PTGR2: variants seen among roughly 807,000 people sequenced by gnomAD.
The protein encoded by PTGR2 is 15-oxoprostaglandin 13-reductase.
A neutral mutation model predicts 43.4 loss-of-function variants in PTGR2; 32 were observed. The observed-to-expected ratio is 0.74, with a 90% confidence interval of 0.56 to 0.99. PTGR2 has a LOEUF of 0.99. PTGR2 is among the 50% of genes least tolerant of loss of function. The pLI, the probability that PTGR2 is intolerant of heterozygous loss-of-function variation, is 0.00. For missense variants in PTGR2, 373 were observed against 420.0 expected, an observed-to-expected ratio of 0.89 and a Z score of 0.98; for synonymous variants, 106 against 139.2, an observed-to-expected ratio of 0.76 and a Z score of 1.68.
intron 3 of PTGR2, 62 bp downstream of exon 3, chr14:73,860,719 T>C: frequency 7.1e-6 from 6 of 845,108 alleles, no homozygotes; most frequent in Admixed American, 4.4e-5. Context: ...TTTCATGTTG[T>C]ATCTGAATCT....
At chr14:73,881,758 TG>T (rs1277701576) in intron 8 of PTGR2, among the ~76,000 whole-genome samples, 1 of 147,554 alleles carries the variant, frequency 6.8e-6, no homozygotes, top group African/African-American at 2.5e-5. Flanking sequence ...TCAGACATAC[TG>T]GCCTAGGCTA....
chr14:73,883,078 C>T (rs578248971), intron 9 of PTGR2, among the ~76,000 whole-genome samples: 1 of 151,446 alleles, frequency 6.6e-6, no homozygotes, highest in South Asian at 2.1e-4. Context: ...GCCTCGGCCT[C>T]TCAAAGTGCT....
intron 7 of PTGR2, among the ~76,000 whole-genome samples, chr14:73,880,639 T>C (rs552376728): frequency 6.6e-6 from 1 of 151,622 alleles, no homozygotes; most frequent in East Asian, 1.9e-4. Flanking sequence ...TTTAAGCTGG[T>C]TCAATATTTA....
chr14:73,882,798 C>G (rs1191703290), intron 9 of PTGR2, among the ~76,000 whole-genome samples: 1 of 110,576 alleles, frequency 9.0e-6, no homozygotes, highest in East Asian at 2.6e-4. Context: ...CCACGCCTGG[C>G]CCTTTTTTTT....
Position 73,852,894 on chromosome 14 carries a change from C to A in PTGR2, c.-48+951C>A, listed in dbSNP as rs531654886. Among the ~76,000 whole-genome samples the A allele has an allele frequency of 5.9e-5, 9 of 152,228 alleles. No homozygotes were observed. In the East Asian group the frequency reaches 1.7e-3, roughly 29 times the overall value. ...AGGCTGGAGTGTCCTGGCTGGATCT[C>A]GGCTCACTGCAGCCTCAGTCTCCTG... On this transcript the variant is annotated intron_variant, in intron 1 of 9. Transcript: ENST00000555661.
intron 5 of PTGR2, 93 bp downstream of exon 5, chr14:73,877,261 T>C (rs2054887421): frequency 8.5e-7 from 1 of 1,174,166 alleles, no homozygotes; most frequent in Non-Finnish European, 1.2e-6. Context: ...CCATTAAAAA[T>C]ATAAAATTGG....
chr14:73,880,736 C>T (rs17782239), intron 7 of PTGR2, among the ~76,000 whole-genome samples: 62,900 of 151,924 alleles, frequency 0.41, 13,441 homozygotes, highest in Non-Finnish European at 0.46. Flanking sequence ...AGAAAGGATG[C>T]TACCCACAAA....
rs2054924635 is a variant in PTGR2, at chr14:73,879,103, A to G, written c.527A>G (p.His176Arg). ...TTCAAATTTCCCCCCTAGATTGGCC[A>G]TTTCTTAGGTTGTTCCAGAGTGGTG... ...ACGSVAGQIG[H>R]FLGCSRVVGI... Residue 176 changes from histidine (H) to arginine (R), a missense_variant, in exon 6 of 10, where the codon CAT becomes CGT. By Grantham distance (29) the His-to-Arg change is conservative (BLOSUM62 0). Transcript: ENST00000555661. 1 of 1,613,668 alleles carries G rather than the reference A, an allele frequency of 6.2e-7. No homozygotes were observed. Among genetic ancestry groups the G allele is most frequent in the African/African-American group, 1.3e-5 (1 of 74,914 alleles).
chr14:73,856,699 T>A (rs1380419553), intron 1 of PTGR2, among the ~76,000 whole-genome samples: 1 of 152,238 alleles, frequency 6.6e-6, no homozygotes, highest in Non-Finnish European at 1.5e-5. Flanking sequence ...AGCTAAACCA[T>A]ATCACCTAGG....
chr14:73,859,667 T>G (rs1035647582), intron 2 of PTGR2, among the ~76,000 whole-genome samples: 3 of 151,956 alleles, frequency 2.0e-5, no homozygotes. Flanking sequence ...ATTTTCCACT[T>G]TTTCAGACTT....
chr14:73,864,206 G>T (rs1050230774), intron 3 of PTGR2, among the ~76,000 whole-genome samples: 10 of 152,080 alleles, frequency 6.6e-5, no homozygotes, highest in African/African-American at 2.2e-4. Context: ...ATGGACATGT[G>T]GGTTGTTTAC....
At chr14:73,855,062 A>T (rs1397690017) in intron 1 of PTGR2, among the ~76,000 whole-genome samples, 1 of 152,226 alleles carries the variant, frequency 6.6e-6, no homozygotes, top group Admixed American at 6.5e-5. Flanking sequence ...AATCAAGGGC[A>T]TGAAATAAAT....
intron 4 of PTGR2, 103 bp downstream of exon 4, chr14:73,874,317 A>T: frequency 1.0e-6 from 1 of 982,402 alleles, no homozygotes; most frequent in South Asian, 1.7e-5. Flanking sequence ...ATAAAAGCAT[A>T]TATTTTCTTT....
rs1239945373 is a variant in PTGR2, at chr14:73,858,825, A to G, written c.-38A>G. The G allele has an allele frequency of 4.4e-6, 7 of 1,585,222 alleles. No individual in the cohort carries two copies. The African/African-American group carries it at 6.8e-5, about 15-fold the overall frequency. On this transcript the variant is annotated 5_prime_UTR_variant, in exon 2 of 10. Transcript: ENST00000555661. The stretch of plus-strand genomic sequence containing the variant: ...ATTTTTTTATTTATAGGAGTATTTT[A>G]TACAGAAATCTTGTGAAACCACTGC...
chr14:73,858,932 C>T (rs1043156721), intron 2 of PTGR2, 33 bp downstream of exon 2: 3 of 1,562,168 alleles, frequency 1.9e-6, no homozygotes, highest in Non-Finnish European at 1.8e-6. Context: ...CAACTCTGAT[C>T]TTTGATAAGT....
chr14:73,879,144 C>G lies in PTGR2; in HGVS notation c.568C>G (p.His190Asp). The G allele has an allele frequency of 1.2e-6, 2 of 1,614,122 alleles. No individual in the cohort carries two copies. The highest frequency in any genetic ancestry group is 1.1e-5 in the South Asian group (1 of 91,084). ...CAGAGTGGTGGGAATTTGTGGAACA[C>G]ATGAGAAATGCATCCTCTTGACCTC... is the stretch of plus-strand genomic sequence containing the variant. ...CSRVVGICGT[H>D]EKCILLTSEL... Residue 190 changes from histidine to aspartate, a missense_variant, in exon 6 of 10, where the codon CAT becomes GAT. Physicochemically the swap from His to Asp is moderately conservative, Grantham distance 81 (BLOSUM62 -1). Coordinates refer to ENST00000555661, the MANE Select transcript of PTGR2 (RefSeq NM_001146154.2).
intron 3 of PTGR2, among the ~76,000 whole-genome samples, chr14:73,863,472 G>A (rs1016669286): frequency 6.6e-6 from 1 of 151,880 alleles, no homozygotes; most frequent in Non-Finnish European, 1.5e-5. Context: ...GTGCCACCAT[G>A]CCCGGCTAAT....
intron 1 of PTGR2, among the ~76,000 whole-genome samples, chr14:73,852,596 G>T (rs752257911): frequency 2.6e-5 from 4 of 152,124 alleles, no homozygotes; most frequent in African/African-American, 4.8e-5. Flanking sequence ...TATCCTCTTA[G>T]CGCTGACGAG....
intron 1 of PTGR2, chr14:73,852,149 G>C (rs999019707): frequency 6.6e-6 from 1 of 152,246 alleles, no homozygotes; most frequent in Non-Finnish European, 1.5e-5. Flanking sequence ...AATTACTGGG[G>C]GAAAGCAACC....
Sources: allele counts gnomAD v4.1 joint callset (sites outside exome capture counted in the v4.1 genomes callset), GRCh38; gene constraint gnomAD v4.1.1; transcripts MANE v1.5; gene names NCBI Gene and HGNC (gene_info 2026-07-23, HGNC 2026-07-21).